Variants in ARMH2 observed in about 807,000 individuals in gnomAD.
ARMH2 encodes armadillo like helical domain containing 2, also known as armadillo-like helical domain-containing protein 2.
Under a neutral mutation model 9.0 loss-of-function variants are expected in ARMH2, and 5 were observed. That is an observed-to-expected ratio of 0.56 (90% confidence interval 0.29 to 1.17). The LOEUF (loss-of-function observed/expected upper bound fraction) is 1.17, where lower values mean the gene tolerates loss of function less well. Among genes scored for constraint, ARMH2 ranks in the 50% most tolerant of loss-of-function variants. ARMH2 has a pLI of 0.08. For missense variants in ARMH2, 236 were observed against 268.3 expected (o/e 0.88, Z 0.84); for synonymous variants, 74 against 93.1 (o/e 0.79, Z 1.18).
rs972763533 is a variant in ARMH2 at position 24,798,780 on chromosome 6, G to A, written c.78C>T (p.Leu26=). The change falls in exon 1 of 2, where the codon CTC becomes CTT. Residue 26 remains leucine (L), a synonymous_variant. Transcript: ENST00000565469. Reference sequence around the variant, plus strand: ...TAACAGTGACACGCCAGAATTTCTGGAGACGCCGACACAGCCCCGCAAAAT... The same window carrying A: ...TAACAGTGACACGCCAGAATTTCTGAAGACGCCGACACAGCCCCGCAAAAT... The part of the protein sequence containing the change: ...YGYFAGLCRR[L]QKFWRVTVKG... The A allele has an allele frequency of 2.0e-6, 3 of 1,535,200 alleles. No individual in the cohort carries two copies. The African/African-American group carries it at 4.1e-5, about 21-fold the overall frequency.
rs754369554 is a variant in ARMH2 at position 24,797,645 on chromosome 6, T to C, written c.458A>G (p.Glu153Gly). 203 of 1,535,470 alleles carry C rather than the reference T, an allele frequency of 1.3e-4. No homozygotes were observed. The Middle Eastern group carries it at 1.5e-3, about 11-fold the overall frequency. Reference protein sequence around the residue: ...QFIPILISFFEGRFESTIKSE... With the variant: ...QFIPILISFFGGRFESTIKSE... ...TTTGATAGTAGACTCGAATCTGCCT[T>C]CAAAAAAACTAATGAGAATAGGAAT... Residue 153 changes from glutamate (E) to glycine (G), a missense_variant, in exon 2 of 2, where the codon GAA (glutamate) becomes GGA (glycine). Physicochemically the swap from Glu to Gly is moderately conservative, Grantham distance 98. Transcript: ENST00000565469.
Position 24,798,768 on chromosome 6 carries a change from C to G in ARMH2, c.90G>C (p.Trp30Cys), listed in dbSNP as rs1581438161. 3 of 1,535,352 alleles carry G rather than the reference C, an allele frequency of 2.0e-6. No homozygotes were observed. The highest frequency in any genetic ancestry group is 1.4e-5 in the African/African-American group (1 of 73,104). The change falls in exon 1 of 2, where the codon TGG (tryptophan) becomes TGC (cysteine). Residue 30 changes from tryptophan to cysteine, a missense_variant. By Grantham distance (215) the Trp-to-Cys change is radical. Transcript: ENST00000565469. The part of the protein sequence containing the change: ...AGLCRRLQKF[W>C]RVTVKGFFVK... ...CAAAAAAGCCCTTAACAGTGACACG[C>G]CAGAATTTCTGGAGACGCCGACACA...
rs1304146785 is a variant in ARMH2 at position 24,797,456 on chromosome 6, T to C, written c.647A>G (p.Asn216Ser). The C allele has an allele frequency of 6.5e-7, 1 of 1,535,344 alleles. No individual in the cohort carries two copies. Among genetic ancestry groups the C allele is most frequent in the South Asian group, 1.2e-5 (1 of 84,038 alleles). Residue 216 changes from asparagine to serine, a missense_variant, in exon 2 of 2, where the codon AAT (asparagine) becomes AGT (serine). By Grantham distance (46) the Asn-to-Ser change is conservative (BLOSUM62 1). Coordinates refer to ENST00000565469, the MANE Select transcript of ARMH2 (RefSeq NM_001282492.2). ...TAGGAAATACAGCACCTCTGCAAAA[T>C]TCTCTGTCCATCCAGACCAATTCTC... ...AAENWSGWTE[N>S]FAEVLYFLIG...
At chr6:24,798,472 C>A (rs763521220) in intron 1 of ARMH2, 121 bp downstream of exon 1, 31 of 1,163,868 alleles carry the variant, frequency 2.7e-5, no homozygotes, top group Non-Finnish European at 3.5e-5. Context: ...AGCAAATATC[C>A]CTCATCCAAT....
In ARMH2 at chr6:24,798,835, C is replaced by T. The variant is rs560044559; in HGVS notation, c.23G>A (p.Cys8Tyr). MANSRFS[C>Y]TQIWVKMYGY... is the part of the protein sequence containing the mutation. The stretch of plus-strand genomic sequence containing the variant: ...ATACATCTTAACCCAAATTTGCGTA[C>T]AAGAAAATCGGCTGTTAGCCATTGT... The change falls in exon 1 of 2, where the codon TGT becomes TAT. Residue 8 changes from cysteine to tyrosine, a missense_variant. Coordinates refer to ENST00000565469, the MANE Select transcript of ARMH2 (RefSeq NM_001282492.2). 1 of 1,534,518 alleles carries T rather than the reference C, an allele frequency of 6.5e-7. No homozygotes were observed. Among genetic ancestry groups the T allele is most frequent in the East Asian group, 2.4e-5 (1 of 40,900 alleles).
intron 1 of ARMH2, among the ~76,000 whole-genome samples, chr6:24,798,123 CT>C (rs1324255372): frequency 1.1e-4 from 16 of 147,724 alleles, no homozygotes; most frequent in East Asian, 2.0e-4. Context: ...TCTTTCTTTC[CT>C]TTTTTTTTTG....
chr6:24,798,123 C>T (rs1307957502), intron 1 of ARMH2, among the ~76,000 whole-genome samples: 1 of 147,694 alleles, frequency 6.8e-6, no homozygotes, highest in East Asian at 2.0e-4. Context: ...TCTTTCTTTC[C>T]TTTTTTTTTT....
In ARMH2 at chr6:24,797,846, C is replaced by T. The variant is rs117172432; in HGVS notation, c.266-9G>A. On this transcript the variant is annotated splice_polypyrimidine_tract_variant and intron_variant, in intron 1 of 1. Transcript: ENST00000565469. The stretch of plus-strand genomic sequence containing the variant: ...CCCAGCAGGTGGTCCTCCTGTAAAA[C>T]AAGCATTTGCATTTCCAGAAGTATT... The T allele has an allele frequency of 1.7e-4, 261 of 1,528,648 alleles. 5 individuals carry two copies. The East Asian group carries it at 6.2e-3, about 36-fold the overall frequency. 94.7% of individuals were successfully genotyped at this position (1,528,648 alleles called of 1,614,324 possible). A position where few individuals can be genotyped will look rare whatever the true frequency, so the allele number is the denominator to read the frequency against.
rs1780501205 is a variant in ARMH2 at position 24,797,690 on chromosome 6, C to A, written c.413G>T (p.Arg138Ile). The change falls in exon 2 of 2, where the codon AGA becomes ATA. Residue 138 changes from arginine (R) to isoleucine (I), a missense_variant. Coordinates refer to ENST00000565469, the MANE Select transcript of ARMH2 (RefSeq NM_001282492.2). ...WCYLNPVSQK[R>I]AKSLQFIPIL... ...AGGAATAAATTGCAGACTTTTGGCT[C>A]TTTTCTGGCTGACAGGGTTTAAGTA... 1 of 1,535,306 alleles carries A rather than the reference C, an allele frequency of 6.5e-7. No homozygotes were observed. Among genetic ancestry groups the A allele is most frequent in the Non-Finnish European group, 8.7e-7 (1 of 1,146,742 alleles).
intron 1 of ARMH2, 27 bp downstream of exon 1, chr6:24,798,566 T>C: frequency 6.6e-7 from 1 of 1,507,358 alleles, no homozygotes; most frequent in Non-Finnish European, 8.8e-7. Flanking sequence ...GAAACACTCA[T>C]TTTAGCACAG....
rs1780518084 is a variant in ARMH2 at position 24,798,792 on chromosome 6, C to A, written c.66G>T (p.Leu22=). Residue 22 remains leucine, a synonymous_variant, in exon 1 of 2, where the codon CTG becomes CTT. Transcript: ENST00000565469. ...WVKMYGYFAG[L]CRRLQKFWRV... ...GCCAGAATTTCTGGAGACGCCGACA[C>A]AGCCCCGCAAAATACCCATACATCT... 24 of 1,535,372 alleles carry A rather than the reference C, an allele frequency of 1.6e-5. No individual in the cohort carries two copies. Among genetic ancestry groups the A allele is most frequent in the Non-Finnish European group, 2.1e-5 (24 of 1,146,704 alleles).
At position 24,797,606 on chromosome 6, in the gene ARMH2, C is replaced by CT. The variant is rs1444407374; in HGVS notation, c.496dup (p.Ser166LysfsTer6). On this transcript the variant is annotated frameshift_variant, in exon 2 of 2. Coordinates refer to ENST00000565469, the MANE Select transcript of ARMH2 (RefSeq NM_001282492.2). LOFTEE classifies it low-confidence loss of function (END_TRUNC). ...AGTCCAAAATTTAAGGAGGAGGTAG[C>CT]TGTTTGTTTCACTTTTGATAGTAGA... The CT allele has an allele frequency of 2.0e-6, 3 of 1,535,466 alleles. No individual in the cohort carries two copies. Among genetic ancestry groups the CT allele is most frequent in the Non-Finnish European group, 2.6e-6 (3 of 1,146,748 alleles).
In ARMH2 at chr6:24,797,687, G is replaced by A; in HGVS notation, c.416C>T (p.Ala139Val). Reference protein sequence around the residue: ...CYLNPVSQKRAKSLQFIPILI... With the variant: ...CYLNPVSQKRVKSLQFIPILI... ...AATAGGAATAAATTGCAGACTTTTG[G>A]CTCTTTTCTGGCTGACAGGGTTTAA... Residue 139 changes from alanine to valine, a missense_variant, in exon 2 of 2, where the codon GCC (alanine) becomes GTC (valine). Transcript: ENST00000565469. 6.5e-7 allele frequency: 1 copy of A among 1,535,398 alleles called. No individual in the cohort carries two copies. Among genetic ancestry groups the A allele is most frequent in the African/African-American group, 1.4e-5 (1 of 73,130 alleles).
At chr6:24,798,008 A>G (rs1390121509) in intron 1 of ARMH2, among the ~76,000 whole-genome samples, 171 bp from the exon 2 acceptor site, 3 of 152,176 alleles carry the variant, frequency 2.0e-5, no homozygotes, top group Admixed American at 6.5e-5. Context: ...TGAAGACCAG[A>G]AAGTGTGTGT....
In ARMH2 at chr6:24,798,645, G is replaced by T. The variant is rs1032415585; in HGVS notation, c.213C>A (p.Pro71=). 78 of 1,535,276 alleles carry T rather than the reference G, an allele frequency of 5.1e-5. No homozygotes were observed. The highest frequency in any genetic ancestry group is 4.3e-4 in the Admixed American group (22 of 50,968). Residue 71 remains proline (P), a synonymous_variant, in exon 1 of 2, where the codon CCC becomes CCA. Coordinates refer to ENST00000565469, the MANE Select transcript of ARMH2 (RefSeq NM_001282492.2). Reference sequence around the variant, plus strand: ...GGGCAGCTTGAGCTCTCTTCTCAATGGGTAGAGATTCATTCATCAACACTT... The same window carrying T: ...GGGCAGCTTGAGCTCTCTTCTCAATTGGTAGAGATTCATTCATCAACACTT... ...LGQVLMNESL[P]IEKRAQAAQK... is the part of the protein sequence containing the mutation.
rs1780499789 is a variant in ARMH2, at chr6:24,797,593, AAGG to A, written c.507_509del (p.Leu170del). 6.5e-7 allele frequency: 1 copy of A among 1,535,516 alleles called. No homozygotes were observed. Among genetic ancestry groups the A allele is most frequent in the African/African-American group, 1.4e-5 (1 of 73,158 alleles). On this transcript the variant is annotated inframe_deletion, in exon 2 of 2. Transcript: ENST00000565469. ...AGAGAACGTAACAAGTCCAAAATTT[AAGG>A]AGGAGGTAGCTGTTTGTTTCACTTT...
At chr6:24,797,878 A>G (rs932690415) in intron 1 of ARMH2, 41 bp from the exon 2 acceptor site, 2 of 1,510,146 alleles carry the variant, frequency 1.3e-6, no homozygotes, top group African/African-American at 2.8e-5. Context: ...TATTTGGTGT[A>G]TCTATTAGCT....
Position 24,797,356 on chromosome 6 carries a change from A to C in ARMH2, c.*54T>G. On this transcript the variant is annotated 3_prime_UTR_variant, in exon 2 of 2. Coordinates refer to ENST00000565469, the MANE Select transcript of ARMH2 (RefSeq NM_001282492.2). ...AACATCGATTTTTATTGTTTATTTCAGTTTTCCAGGGTAATACACAGAGAG... is the reference window on the plus strand; with the variant it reads ...AACATCGATTTTTATTGTTTATTTCCGTTTTCCAGGGTAATACACAGAGAG... The C allele has an allele frequency of 7.1e-7, 1 of 1,404,958 alleles. No individual in the cohort carries two copies. The highest frequency in any genetic ancestry group is 2.5e-5 in the East Asian group (1 of 39,942). 87.0% of individuals were successfully genotyped at this position (1,404,958 alleles called of 1,614,324 possible). A position where few individuals can be genotyped will look rare whatever the true frequency, so the allele number is the denominator to read the frequency against.
In ARMH2 at chr6:24,797,701, G is replaced by A. The variant is rs1398118912; in HGVS notation, c.402C>T (p.Val134=). ...GCAGACTTTTGGCTCTTTTCTGGCT[G>A]ACAGGGTTTAAGTAACACCAACATG... ...SVACWCYLNP[V]SQKRAKSLQF... Residue 134 remains valine, a synonymous_variant, in exon 2 of 2, where the codon GTC becomes GTT. Transcript: ENST00000565469. 6.5e-7 allele frequency: 1 copy of A among 1,535,448 alleles called. No individual in the cohort carries two copies. Among genetic ancestry groups the A allele is most frequent in the East Asian group, 2.4e-5 (1 of 40,922 alleles).
Sources: allele counts gnomAD v4.1 joint callset (sites outside exome capture counted in the v4.1 genomes callset), GRCh38; gene constraint gnomAD v4.1.1; transcripts MANE v1.5; gene names NCBI Gene and HGNC (gene_info 2026-07-23, HGNC 2026-07-21).